The following IGSF10 variants were observed in gnomAD, a reference collection of about 807,000 sequenced individuals.
The protein encoded by IGSF10 is calvaria mechanical force protein 608.
IGSF10 carries 126 observed loss-of-function variants against 128.2 expected under a neutral mutation model. The ratio of observed to expected loss-of-function variants is 0.98; its 90% CI spans 0.85 to 1.14. The LOEUF is 1.14. Among genes scored for constraint, IGSF10 ranks in the 50% most tolerant of loss-of-function variants. The pLI, the probability that IGSF10 is intolerant of heterozygous loss-of-function variation, is 0.00. For missense variants in IGSF10, 3,295 were observed against 3,149.8 expected (o/e 1.05, Z -1.10); for synonymous variants, 1,185 against 1,146.2 (o/e 1.03, Z -0.68).
chr3:151,459,715 G>A (rs1255904240), intron 2 of IGSF10, among the ~76,000 whole-genome samples: 1 of 152,110 alleles, frequency 6.6e-6, no homozygotes, highest in Non-Finnish European at 1.5e-5. Context: ...GGCAAGCCCA[G>A]GAATTCAAAC....
In IGSF10 at chr3:151,448,302, T is replaced by A; in HGVS notation, c.1679A>T (p.Asp560Val). 6.2e-7 allele frequency: 1 copy of A among 1,614,250 alleles called. No individual in the cohort carries two copies. The highest frequency in any genetic ancestry group is 8.5e-7 in the Non-Finnish European group (1 of 1,180,046). ...CACAGTTATCCTATAGGTGAGAATATCTGCATCATCATAATTGCTGCTTAT... is the reference window on the plus strand; with the variant it reads ...CACAGTTATCCTATAGGTGAGAATAACTGCATCATCATAATTGCTGCTTAT... The part of the protein sequence containing the change: ...HCISSNYDDA[D>V]ILTYRITVVE... Residue 560 changes from aspartate (D) to valine (V), a missense_variant, in exon 6 of 8, where the codon GAT becomes GTT. By Grantham distance (152) the Asp-to-Val change is radical. Coordinates refer to ENST00000282466, the MANE Select transcript of IGSF10 (RefSeq NM_178822.5).
At position 151,438,449 on chromosome 3, in the gene IGSF10, C is replaced by G; in HGVS notation, c.6112G>C (p.Ala2038Pro). 6.2e-7 allele frequency: 1 copy of G among 1,614,138 alleles called. No individual in the cohort carries two copies. Among genetic ancestry groups the G allele is most frequent in the East Asian group, 2.2e-5 (1 of 44,874 alleles). ...LMHVSLRLKPAKIDHKQYFRK... is the reference protein window; with the variant it reads ...LMHVSLRLKPPKIDHKQYFRK... Reference sequence around the variant, plus strand: ...AAATACTGCTTGTGGTCAATTTTGGCAGGTTTCAGTCTTAGGCTAACATGC... The same window carrying G: ...AAATACTGCTTGTGGTCAATTTTGGGAGGTTTCAGTCTTAGGCTAACATGC... Residue 2038 changes from alanine (A) to proline (P), a missense_variant, in exon 8 of 8, where the codon GCC becomes CCC. Physicochemically the swap from Ala to Pro is conservative, Grantham distance 27 (BLOSUM62 -1). Transcript: ENST00000282466.
the IGSF10 span, among the ~76,000 whole-genome samples, chr3:151,577,090 C>T: frequency 0.016 from 2,381 of 152,118 alleles, 50 homozygotes; most frequent in African/African-American, 0.045. Flanking sequence ...TGTGGTTTTA[C>T]GTTATATTTA....
chr3:151,534,699 A>C, the IGSF10 span, among the ~76,000 whole-genome samples: 1 of 151,950 alleles, frequency 6.6e-6, no homozygotes, highest in African/African-American at 2.4e-5. Context: ...GAGATTCCCA[A>C]TGTAGATGAC....
chr3:151,446,417 T>C lies in IGSF10; in HGVS notation c.3564A>G (p.Pro1188=), dbSNP rs1192908139. 6.2e-7 allele frequency: 1 copy of C among 1,613,976 alleles called. No individual in the cohort carries two copies. Among genetic ancestry groups the C allele is most frequent in the South Asian group, 1.1e-5 (1 of 91,068 alleles). Residue 1188 remains proline, a synonymous_variant, in exon 6 of 8, where the codon CCA becomes CCG. Coordinates refer to ENST00000282466, the MANE Select transcript of IGSF10 (RefSeq NM_178822.5). Reference sequence around the variant, plus strand: ...TTGTAATGGCTATAATAGTCATTGGTGGCTTGGTGATAGCACCTGAAAGTG... The same window carrying C: ...TTGTAATGGCTATAATAGTCATTGGCGGCTTGGTGATAGCACCTGAAAGTG... ...TSSLSGAITK[P]PMTIIAITRF... is the part of the protein sequence containing the mutation.
chr3:151,495,440 G>A, the IGSF10 span, among the ~76,000 whole-genome samples: 1 of 152,066 alleles, frequency 6.6e-6, no homozygotes, highest in Non-Finnish European at 1.5e-5. Context: ...GAATACTCAT[G>A]GCTTATTCAA....
At chr3:151,606,148 C>T in the IGSF10 span, among the ~76,000 whole-genome samples, 31 of 152,298 alleles carry the variant, frequency 2.0e-4, no homozygotes, top group African/African-American at 6.5e-4. Context: ...TAAACATGCA[C>T]GTGCAAACGC....
the IGSF10 span, among the ~76,000 whole-genome samples, chr3:151,584,272 C>T: frequency 2.0e-5 from 3 of 152,240 alleles, no homozygotes; most frequent in South Asian, 6.2e-4. Context: ...CAAAACCAGA[C>T]TTCTCTTGGC....
the IGSF10 span, among the ~76,000 whole-genome samples, chr3:151,608,606 C>T: frequency 9.2e-5 from 14 of 152,148 alleles, no homozygotes; most frequent in Admixed American, 3.3e-4. Flanking sequence ...ATAGATTCTC[C>T]ATATTGTTTC....
the IGSF10 span, among the ~76,000 whole-genome samples, chr3:151,498,366 G>GT: frequency 9.3e-4 from 142 of 152,212 alleles, no homozygotes; most frequent in African/African-American, 3.3e-3. Context: ...TTTATTGAGA[G>GT]TTTTTTAGAC....
At chr3:151,470,889 C>G in the IGSF10 span, among the ~76,000 whole-genome samples, 2 of 152,184 alleles carry the variant, frequency 1.3e-5, no homozygotes, top group South Asian at 2.1e-4. Flanking sequence ...AGACTAACAT[C>G]TTATGAATTA....
chr3:151,433,076 C>T (rs1268613888), downstream of IGSF10: 1 of 329,900 alleles, frequency 3.0e-6, no homozygotes. Context: ...TGCTAGCAGA[C>T]CTTTTGAAAT....
chr3:151,526,738 T>C, the IGSF10 span, among the ~76,000 whole-genome samples: 2 of 152,210 alleles, frequency 1.3e-5, no homozygotes, highest in African/African-American at 2.4e-5. Context: ...TTTACTCCAG[T>C]CTTCTCCCTT....
intron 2 of IGSF10, among the ~76,000 whole-genome samples, chr3:151,459,036 A>G (rs1204324415): frequency 6.6e-6 from 1 of 152,254 alleles, no homozygotes; most frequent in African/African-American, 2.4e-5. Flanking sequence ...TGTGACAACT[A>G]AAATATATAG....
At chr3:151,530,939 A>T in the IGSF10 span, among the ~76,000 whole-genome samples, 1 of 151,684 alleles carries the variant, frequency 6.6e-6, no homozygotes, top group Non-Finnish European at 1.5e-5. Context: ...GTATTCAGGA[A>T]ACCCATCTCA....
the IGSF10 span, among the ~76,000 whole-genome samples, chr3:151,514,577 A>T: frequency 6.6e-6 from 1 of 152,216 alleles, no homozygotes; most frequent in Non-Finnish European, 1.5e-5. Flanking sequence ...CATGTCTAAA[A>T]CACCAAAAGC....
chr3:151,587,540 T>C, the IGSF10 span, among the ~76,000 whole-genome samples: 2 of 152,196 alleles, frequency 1.3e-5, no homozygotes, highest in African/African-American at 4.8e-5. Flanking sequence ...TTATTGCTTG[T>C]ATAGGATTAC....
At chr3:151,463,555 TTTTTTTC>T (rs1410162594), upstream of IGSF10, among the ~76,000 whole-genome samples, 756 of 112,768 alleles carry the variant, frequency 6.7e-3, 20 homozygotes, top group South Asian at 0.012. Flanking sequence ...TTTTTTTTTT[TTTTTTTC>T]TGAGACGGAG....
chr3:151,532,598 G>A, the IGSF10 span, among the ~76,000 whole-genome samples: 1 of 152,150 alleles, frequency 6.6e-6, no homozygotes, highest in Non-Finnish European at 1.5e-5. Context: ...CTCAATAGAT[G>A]CAGAAAAGGC....
Sources: allele counts gnomAD v4.1 joint callset (sites outside exome capture counted in the v4.1 genomes callset), GRCh38; gene constraint gnomAD v4.1.1; transcripts MANE v1.5; gene names NCBI Gene and HGNC (gene_info 2026-07-23, HGNC 2026-07-21).